THRB: variants seen among roughly 807,000 people sequenced by gnomAD.
THRB encodes the protein nuclear receptor subfamily 1 group A member 2.
THRB carries 12 observed loss-of-function variants against 47.8 expected under a neutral mutation model. The ratio of observed to expected loss-of-function variants is 0.25; its 90% CI spans 0.16 to 0.41. The LOEUF (loss-of-function observed/expected upper bound fraction) is 0.41. THRB is among the 10% of genes least tolerant of loss of function. The probability of loss-of-function intolerance (pLI) is 1.00; values close to 1 mark genes in which losing one functional copy is unlikely to be tolerated. For synonymous variants in THRB, 218 were observed against 212.2 expected (o/e 1.03, Z -0.24); for missense variants, 348 against 589.2 (o/e 0.59, Z 4.24).
intron 5 of THRB, among the ~76,000 whole-genome samples, chr3:24,170,932 ATCTG>A (rs1435105783): frequency 2.0e-5 from 3 of 152,134 alleles, no homozygotes; most frequent in Non-Finnish European, 4.4e-5. Context: ...TCTGGGAGAT[ATCTG>A]TCTGTCTAAA....
intron 8 of THRB, among the ~76,000 whole-genome samples, chr3:24,137,663 G>A (rs59652237): frequency 0.014 from 2,154 of 152,276 alleles, 54 homozygotes; most frequent in African/African-American, 0.049. Flanking sequence ...AGGTAGGCAG[G>A]GGGATCCGTG....
rs1420972928 is a variant in THRB at position 24,190,253 on chromosome 3, G to A, written c.104C>T (p.Ala35Val). 6.2e-7 allele frequency: 1 copy of A among 1,614,044 alleles called. No homozygotes were observed. The highest frequency in any genetic ancestry group is 1.1e-5 in the South Asian group (1 of 91,072). The stretch of plus-strand genomic sequence containing the variant: ...TGAATGGCTCTTCCTATGTAGGCAG[G>A]CTTCAGACATTCCTACTAGCTTCCA... Reference protein sequence around the residue: ...HDWKLVGMSEACLHRKSHSER... With the variant: ...HDWKLVGMSEVCLHRKSHSER... Residue 35 changes from alanine to valine, a missense_variant, in exon 5 of 11, where the codon GCC becomes GTC. Transcript: ENST00000646209.
In THRB at chr3:24,143,686, T is replaced by A; in HGVS notation, c.553A>T (p.Arg185Trp). Reference protein sequence around the residue: ...ATDLVLDDSKRLAKRKLIEEN... With the variant: ...ATDLVLDDSKWLAKRKLIEEN... ...TCTATCAGCTTCCTCTTGGCCAGCC[T>A]CTTGCTGTCATCCAGCACCACTGGG... The change falls in exon 8 of 11, where the codon AGG (arginine) becomes TGG (tryptophan). Residue 185 changes from arginine to tryptophan, a missense_variant. Physicochemically the swap from Arg to Trp is moderately radical, Grantham distance 101. Around this residue, in one of 5 missense-constraint regions of THRB, gnomAD observed 112 missense variants for 212.3 expected, o/e 0.53. Coordinates refer to ENST00000646209, the MANE Select transcript of THRB (RefSeq NM_001354712.2). The A allele has an allele frequency of 6.2e-7, 1 of 1,614,128 alleles. No homozygotes were observed. Among genetic ancestry groups the A allele is most frequent in the Non-Finnish European group, 8.5e-7 (1 of 1,180,036 alleles).
chr3:24,287,389 C>A (rs1240019792), intron 3 of THRB, among the ~76,000 whole-genome samples: 1 of 152,112 alleles, frequency 6.6e-6, no homozygotes, highest in Non-Finnish European at 1.5e-5. Flanking sequence ...TTTTTATGTG[C>A]ATTATTTTAT....
At chr3:24,133,208 G>T in intron 9 of THRB, 108 bp downstream of exon 9, 2 of 1,303,994 alleles carry the variant, frequency 1.5e-6, no homozygotes, top group Non-Finnish European at 2.2e-6. Flanking sequence ...GCTTTCATAT[G>T]ATTAAGTCCC....
At chr3:24,470,548 T>C (rs1227720561) in intron 1 of THRB, among the ~76,000 whole-genome samples, 1 of 152,190 alleles carries the variant, frequency 6.6e-6, no homozygotes, top group African/African-American at 2.4e-5. Context: ...ATAAGCCCCA[T>C]AGAAATGTTT....
intron 1 of THRB, among the ~76,000 whole-genome samples, chr3:24,359,317 G>C (rs1410823790): frequency 6.6e-6 from 1 of 152,228 alleles, no homozygotes; most frequent in African/African-American, 2.4e-5. Context: ...CCCAGATGTG[G>C]CCTCTCCAGC....
intron 5 of THRB, among the ~76,000 whole-genome samples, chr3:24,160,972 T>A (rs1314600081): frequency 6.6e-6 from 1 of 152,230 alleles, no homozygotes; most frequent in Non-Finnish European, 1.5e-5. Context: ...TGGATGAGGT[T>A]AGGGCATTCA....
rs547605529 is a variant in THRB at position 24,247,711 on chromosome 3, G to GT, written c.-42-18711_-42-18710insA. On this transcript the variant is annotated intron_variant, in intron 3 of 10. Transcript: ENST00000646209. ...TGTTAAATGTCTAAAGATAAATACT[G>GT]GTACATGGGGAAGTCAGGACCCAAA... Among the ~76,000 whole-genome samples, 25 of 152,164 alleles carry GT rather than the reference G, an allele frequency of 1.6e-4. No homozygotes were observed. The East Asian group carries it at 4.8e-3, about 29-fold the overall frequency.
At chr3:24,322,255 G>A (rs180876198) in intron 2 of THRB, among the ~76,000 whole-genome samples, 7 of 152,248 alleles carry the variant, frequency 4.6e-5, no homozygotes, top group African/African-American at 1.2e-4. Context: ...ACTTAGCCAG[G>A]AAAATAAACC....
At chr3:24,453,472 G>A (rs1451958629) in intron 1 of THRB, among the ~76,000 whole-genome samples, 8 of 152,034 alleles carry the variant, frequency 5.3e-5, no homozygotes, top group Non-Finnish European at 5.9e-5. Flanking sequence ...CACCTTACTC[G>A]TTTTCCACTG....
chr3:24,213,084 G>A (rs541649285), intron 4 of THRB, among the ~76,000 whole-genome samples: 1 of 152,304 alleles, frequency 6.6e-6, no homozygotes, highest in South Asian at 2.1e-4. Context: ...AGGGTGCCAA[G>A]TAGACCAGAC....
At chr3:24,392,282 G>T (rs1057319208) in intron 1 of THRB, among the ~76,000 whole-genome samples, 1 of 151,744 alleles carries the variant, frequency 6.6e-6, no homozygotes, top group African/African-American at 2.4e-5. Flanking sequence ...ATATTTTTGG[G>T]GTATATGTGA....
intron 1 of THRB, among the ~76,000 whole-genome samples, chr3:24,356,545 G>A (rs1319076924): frequency 6.6e-6 from 1 of 152,076 alleles, no homozygotes; most frequent in Non-Finnish European, 1.5e-5. Flanking sequence ...CAGTGTCTTT[G>A]CTAATATGAT....
At position 24,133,298 on chromosome 3, in the gene THRB, G is replaced by A. The variant is rs1237376868; in HGVS notation, c.885+18C>T. On this transcript the variant is annotated intron_variant, in intron 9 of 10. Coordinates refer to ENST00000646209, the MANE Select transcript of THRB (RefSeq NM_001354712.2). ...ACTATAATTAAGAATAATGCAGAAG[G>A]AAAAACAACATCCTCACCTCACAAA... The A allele has an allele frequency of 6.2e-7, 1 of 1,613,622 alleles. No homozygotes were observed. The highest frequency in any genetic ancestry group is 2.2e-5 in the East Asian group (1 of 44,860).
At chr3:24,206,694 A>G (rs567371850) in intron 4 of THRB, among the ~76,000 whole-genome samples, 12 of 152,340 alleles carry the variant, frequency 7.9e-5, no homozygotes, top group African/African-American at 2.9e-4. Context: ...AACCCTTCAA[A>G]AAATCAATGA....
At chr3:24,412,408 A>T (rs1190636288) in intron 1 of THRB, among the ~76,000 whole-genome samples, 1 of 151,854 alleles carries the variant, frequency 6.6e-6, no homozygotes, top group Non-Finnish European at 1.5e-5. Flanking sequence ...ACAAATCAAC[A>T]GTAAAGAGAT....
intron 1 of THRB, among the ~76,000 whole-genome samples, chr3:24,386,999 C>G (rs2066174031): frequency 6.6e-6 from 1 of 152,078 alleles, no homozygotes; most frequent in East Asian, 1.9e-4. Flanking sequence ...TTATCCACCT[C>G]AAGATTTTTC....
At chr3:24,404,107 G>A (rs541991809) in intron 1 of THRB, among the ~76,000 whole-genome samples, 1 of 152,010 alleles carries the variant, frequency 6.6e-6, no homozygotes, top group Admixed American at 6.6e-5. Context: ...CAGATCTGTG[G>A]AGATGTAATA....
Sources: gnomAD v4.1 joint callset for allele counts (sites outside exome capture counted in the v4.1 genomes callset) on GRCh38, gnomAD v4.1.1 for gene constraint, gnomAD v4.1.1 regional missense constraint, MANE v1.5 for transcripts, NCBI Gene and HGNC (gene_info 2026-07-23, HGNC 2026-07-21) for gene names.